Variants in WDR90 observed in about 807,000 individuals in gnomAD.
The protein encoded by WDR90 is WD repeat domain 90.
Under a neutral mutation model 195.2 loss-of-function variants are expected in WDR90, and 238 were observed. The observed-to-expected ratio is 1.22, with a 90% CI of 1.10 to 1.36. WDR90 has a LOEUF of 1.36. Among genes scored for constraint, WDR90 ranks in the 40% most tolerant of loss-of-function variants. The pLI is 0.00. For synonymous variants in WDR90, 1,265 were observed against 1,052.4 expected (o/e 1.20, Z -3.91); for missense variants, 2,734 against 2,439.5 (o/e 1.12, Z -2.54).
At chr16:663,927 G>A (rs943237676) in intron 34 of WDR90, among the ~76,000 whole-genome samples, 6 of 152,226 alleles carry the variant, frequency 3.9e-5, no homozygotes, top group African/African-American at 1.4e-4. Context: ...AGCTCTGCGT[G>A]TGGTCAGCTG....
intron 10 of WDR90, 65 bp from the exon 11 acceptor site, chr16:653,276 C>A: frequency 1.5e-6 from 2 of 1,368,598 alleles, no homozygotes; most frequent in African/African-American, 1.5e-5. Context: ...GTGAGGCTGA[C>A]CTCCCGGCAG....
chr16:655,154 C>T lies in WDR90; in HGVS notation c.1556+7C>T. ...CCTTTTTTGATGAAACCAGGTGATGCAGCCGCCCATCCACGATGTTGGGAG... is the reference window on the plus strand; with the variant it reads ...CCTTTTTTGATGAAACCAGGTGATGTAGCCGCCCATCCACGATGTTGGGAG... On this transcript the variant is annotated splice_region_variant and intron_variant, in intron 14 of 40. Transcript: ENST00000293879. The T allele has an allele frequency of 2.5e-6, 4 of 1,612,432 alleles. No homozygotes were observed. The highest frequency in any genetic ancestry group is 3.4e-6 in the Non-Finnish European group (4 of 1,179,616).
Position 651,699 on chromosome 16 carries a change from T to C in WDR90, c.792T>C (p.Pro264=), listed in dbSNP as rs1321463306. The change falls in exon 8 of 41, where the codon CCT becomes CCC. Residue 264 remains proline (P), a synonymous_variant. Transcript: ENST00000293879. ...CTTGCCCGGTGGCCTCCAGCAAACC[T>C]GTGCGGTTCAGTGTGTCTCCAGTGG... ...PLPCPVASSK[P]VRFSVSPVVQ... is the part of the protein sequence containing the mutation. The C allele has an allele frequency of 5.6e-6, 9 of 1,612,928 alleles. No homozygotes were observed. The highest frequency in any genetic ancestry group is 7.6e-6 in the Non-Finnish European group (9 of 1,179,996).
rs754271138 is a variant in WDR90, at chr16:650,248, C to G, written c.280-6C>G. The G allele has an allele frequency of 2.5e-6, 4 of 1,612,632 alleles. No homozygotes were observed. Among genetic ancestry groups the G allele is most frequent in the Non-Finnish European group, 3.4e-6 (4 of 1,179,804 alleles). On this transcript the variant is annotated splice_region_variant and splice_polypyrimidine_tract_variant and intron_variant, in intron 3 of 40. Coordinates refer to ENST00000293879, the MANE Select transcript of WDR90 (RefSeq NM_145294.5). ...GTCTCCTCACGGCCCTGCTCCGTCCCCACAGGACAACCAAGTCATCCGTGT... is the reference window on the plus strand; with the variant it reads ...GTCTCCTCACGGCCCTGCTCCGTCCGCACAGGACAACCAAGTCATCCGTGT...
chr16:657,195 C>G lies in WDR90; in HGVS notation c.2447C>G (p.Pro816Arg), dbSNP rs1346347294. 1.3e-6 allele frequency: 2 copies of G among 1,554,336 alleles called. No homozygotes were observed. The part of the protein sequence containing the change: ...GSLAQYSCAD[P>R]QWHVLRVAAD... Reference sequence around the variant, plus strand: ...CTGGCCCAGTACAGCTGTGCGGACCCCCAGTGGCATGTCCTCCGAGTGGCA... The same window carrying G: ...CTGGCCCAGTACAGCTGTGCGGACCGCCAGTGGCATGTCCTCCGAGTGGCA... Residue 816 changes from proline to arginine, a missense_variant, in exon 20 of 41, where the codon CCC (proline) becomes CGC (arginine). Physicochemically the swap from Pro to Arg is moderately radical, Grantham distance 103. Coordinates refer to ENST00000293879, the MANE Select transcript of WDR90 (RefSeq NM_145294.5).
chr16:666,141 G>C lies in WDR90; in HGVS notation c.4609+17G>C. The C allele has an allele frequency of 6.2e-7, 1 of 1,607,772 alleles. No homozygotes were observed. Among genetic ancestry groups the C allele is most frequent in the Non-Finnish European group, 8.5e-7 (1 of 1,176,292 alleles). ...CCACCGATGGTGAGGAGTTGGGTGT[G>C]TTGGGGATGGTGCCGTCCTGACCTG... is the stretch of plus-strand genomic sequence containing the variant. On this transcript the variant is annotated intron_variant, in intron 36 of 40. Transcript: ENST00000293879.
At chr16:654,274 C>G (rs1473671609) in intron 13 of WDR90, 1 of 160,868 alleles carries the variant, frequency 6.2e-6, no homozygotes, top group Non-Finnish European at 1.4e-5. Context: ...TCACTGCAGC[C>G]TTGACCCCCT....
chr16:665,516 CG>C, intron 34 of WDR90, 162 bp from the exon 35 acceptor site: 1 of 1,105,040 alleles, frequency 9.0e-7, no homozygotes. Context: ...GGGACACACA[CG>C]GGGGCCGGCA....
chr16:659,548 G>A (rs950367723), intron 26 of WDR90, among the ~76,000 whole-genome samples, 172 bp downstream of exon 26: 55 of 152,148 alleles, frequency 3.6e-4, no homozygotes, highest in Middle Eastern at 3.4e-3. Flanking sequence ...CTCCTCCTTA[G>A]CCTCATCAGG....
At chr16:649,068 C>T (rs975075588), upstream of WDR90, 2 of 277,924 alleles carry the variant, frequency 7.2e-6, no homozygotes, top group South Asian at 1.5e-4. Context: ...GCGACCTCGC[C>T]TCGCTGCTTG....
chr16:652,328 C>A, intron 9 of WDR90, 139 bp from the exon 10 acceptor site: 1 of 1,050,952 alleles, frequency 9.5e-7, no homozygotes, highest in Non-Finnish European at 1.4e-6. Context: ...CTTACCACAG[C>A]CAGCAGGAGC....
chr16:666,618 CTG>C lies in WDR90; in HGVS notation c.4884+23_4884+24del. On this transcript the variant is annotated intron_variant, in intron 38 of 40. Transcript: ENST00000293879. ...ACGGAGGTAAACCATGCTCCTGGCACTGTGGGTGGGGCCGGTACCCATCCACC... is the reference window on the plus strand; with the variant it reads ...ACGGAGGTAAACCATGCTCCTGGCACTGGGTGGGGCCGGTACCCATCCACC... 6.2e-7 allele frequency: 1 copy of C among 1,611,894 alleles called. No individual in the cohort carries two copies. Among genetic ancestry groups the C allele is most frequent in the Middle Eastern group, 1.7e-4 (1 of 6,058 alleles).
intron 34 of WDR90, among the ~76,000 whole-genome samples, chr16:664,797 A>C (rs1320874069): frequency 6.6e-6 from 1 of 151,286 alleles, no homozygotes; most frequent in Admixed American, 6.6e-5. Context: ...CTCCTGTCTC[A>C]GCCTCCCAAG....
chr16:653,939 C>T (rs1162083529), intron 13 of WDR90, 136 bp downstream of exon 13: 9 of 1,119,094 alleles, frequency 8.0e-6, no homozygotes, highest in Non-Finnish European at 1.0e-5. Flanking sequence ...TGGTGGGGCT[C>T]CCTGCACTCT....
chr16:664,672 C>T (rs1435543296), intron 34 of WDR90, among the ~76,000 whole-genome samples: 2 of 151,668 alleles, frequency 1.3e-5, no homozygotes, highest in African/African-American at 4.9e-5. Flanking sequence ...CCTCATTGCT[C>T]AGCTGAACTG....
Position 656,552 on chromosome 16 carries a change from G to T in WDR90, c.2202+15G>T. 1 of 1,563,218 alleles carries T rather than the reference G, an allele frequency of 6.4e-7. No individual in the cohort carries two copies. ...CCCTGCAGCAGGTGGGGTTTGGCAG[G>T]GGCAGCACGGCAGGGAGGGCCGGGA... is the stretch of plus-strand genomic sequence containing the variant. On this transcript the variant is annotated intron_variant, in intron 18 of 40. Transcript: ENST00000293879.
At chr16:658,420 C>T (rs1596464549) in intron 22 of WDR90, 76 bp downstream of exon 22, 4 of 1,579,754 alleles carry the variant, frequency 2.5e-6, no homozygotes, top group East Asian at 4.5e-5. Flanking sequence ...CCTGCAGCCT[C>T]TCCAGCTGGG....
rs1228899809 is a variant in WDR90, at chr16:651,254, C to G, written c.724C>G (p.Pro242Ala). 1.9e-6 allele frequency: 3 copies of G among 1,612,988 alleles called. No homozygotes were observed. The highest frequency in any genetic ancestry group is 2.5e-6 in the Non-Finnish European group (3 of 1,179,984). Residue 242 changes from proline to alanine, a missense_variant, in exon 7 of 41, where the codon CCT becomes GCT. Physicochemically the swap from Pro to Ala is conservative, Grantham distance 27. Transcript: ENST00000293879. ...PSKPIEKSCS[P>A]PEAVLLGPGP... ...CAAGCCGATTGAGAAGAGCTGTTCC[C>G]CTCCTGAGGCAGGTGGGTCTGGGGG...
chr16:667,286 C>A, intron 40 of WDR90, 146 bp from the exon 41 acceptor site: 1 of 1,117,250 alleles, frequency 9.0e-7, no homozygotes, highest in Non-Finnish European at 1.2e-6. Context: ...GTCCCAGTGG[C>A]ACGTGGAGGG....
Sources: allele counts gnomAD v4.1 joint callset (sites outside exome capture counted in the v4.1 genomes callset), GRCh38; gene constraint gnomAD v4.1.1; transcripts MANE v1.5; gene names NCBI Gene and HGNC (gene_info 2026-07-23, HGNC 2026-07-21).